Variants in MYH2 observed in about 807,000 individuals in gnomAD.
MYH2 encodes myosin-2.
A neutral mutation model predicts 228.1 loss-of-function variants in MYH2; 139 were observed. The ratio of observed to expected loss-of-function variants is 0.61; its 90% CI spans 0.53 to 0.70. MYH2 has a LOEUF of 0.70. MYH2 is among the 30% of genes least tolerant of loss of function. The pLI, the probability that MYH2 is intolerant of heterozygous loss-of-function variation, is 0.00. For synonymous variants in MYH2, 796 were observed against 871.1 expected (o/e 0.91, Z 1.52); for missense variants, 1,809 against 2,357.5 (o/e 0.77, Z 4.82).
rs529222815 is a variant in MYH2, at chr17:10,529,740, C to A, written c.2941G>T (p.Val981Leu). ...GCCATCTCTTCTGTGAGGTTTTTCA[C>A]CTACAAAGGTGAAGAAAGCAGTTTA... ...EKEKHATENK[V>L]KNLTEEMAGL... Residue 981 changes from valine (V) to leucine (L), a missense_variant and splice_region_variant, in exon 24 of 40, where the codon GTG becomes TTG. Physicochemically the swap from Val to Leu is conservative, Grantham distance 32 (BLOSUM62 1). Around this residue, in one of 9 missense-constraint regions of MYH2, gnomAD observed 43 missense variants for 89.2 expected, o/e 0.48. Coordinates refer to ENST00000245503, the MANE Select transcript of MYH2 (RefSeq NM_017534.6). 5 of 1,613,972 alleles carry A rather than the reference C, an allele frequency of 3.1e-6. No individual in the cohort carries two copies. The highest frequency in any genetic ancestry group is 1.1e-5 in the South Asian group (1 of 91,064).
rs751871589 is a variant in MYH2, at chr17:10,525,018, C to A, written c.4710G>T (p.Glu1570Asp). ...CAACCTCAGACTTGACTTGGTTCAA[C>A]TCAAGCTGGATGCGCAGGATCTTTC... ...EEGKILRIQLELNQVKSEVDR... is the reference protein window; with the variant it reads ...EEGKILRIQLDLNQVKSEVDR... Residue 1570 changes from glutamate (E) to aspartate (D), a missense_variant, in exon 34 of 40, where the codon GAG becomes GAT. Physicochemically the swap from Glu to Asp is conservative, Grantham distance 45. This residue lies in a region of MYH2 where 636 missense variants were observed against 729.9 expected (regional missense o/e 0.87). Transcript: ENST00000245503. The surrounding 1 kb of genome is among the most constrained non-coding windows in gnomAD (Gnocchi z 4.2). 6.2e-7 allele frequency: 1 copy of A among 1,614,140 alleles called. No homozygotes were observed. The highest frequency in any genetic ancestry group is 1.1e-5 in the South Asian group (1 of 91,080).
chr17:10,535,677 T>C (rs530781182), intron 17 of MYH2, among the ~76,000 whole-genome samples: 2 of 152,308 alleles, frequency 1.3e-5, no homozygotes, highest in African/African-American at 4.8e-5. Flanking sequence ...GGCCATTGCC[T>C]TCCCATGCGA....
chr17:10,545,860 A>C (rs1468634361), intron 4 of MYH2, among the ~76,000 whole-genome samples: 1 of 152,176 alleles, frequency 6.6e-6, no homozygotes, highest in African/African-American at 2.4e-5. Flanking sequence ...ATCAGCTTGA[A>C]AACTAGTTGG....
At position 10,524,419 on chromosome 17, in the gene MYH2, G is replaced by A. The variant is rs1047238390; in HGVS notation, c.5175+47C>T. The A allele has an allele frequency of 1.9e-6, 3 of 1,611,136 alleles. No homozygotes were observed. In the South Asian group the frequency reaches 3.3e-5, roughly 18 times the overall value. On this transcript the variant is annotated intron_variant, in intron 35 of 39. Transcript: ENST00000245503. This position sits in a 1 kb window ranked among gnomAD's most constrained non-coding sequence, Gnocchi z 4.7. ...ATGAAAACTCAGGCTTATCTATTCT[G>A]GGACATATAAAATTTACTAAGGAGA...
At chr17:10,533,175 C>A (rs2073443963) in intron 21 of MYH2, 110 bp downstream of exon 21, 1 of 1,493,398 alleles carries the variant, frequency 6.7e-7, no homozygotes, top group Non-Finnish European at 9.3e-7. Flanking sequence ...CATTATAGGA[C>A]TCTTATTCAT....
In MYH2 at chr17:10,547,951, TA is replaced by T. The variant is rs750913165; in HGVS notation, c.-20-12del. The T allele has an allele frequency of 6.2e-7, 1 of 1,608,214 alleles. No individual in the cohort carries two copies. Among genetic ancestry groups the T allele is most frequent in the Non-Finnish European group, 8.5e-7 (1 of 1,175,032 alleles). ...CTGAACTCAGAGGTCCTAAAGGAGA[TA>T]AAACTTTCACATTAGAGAGTCTGGA... On this transcript the variant is annotated splice_polypyrimidine_tract_variant and intron_variant, in intron 2 of 39. Transcript: ENST00000245503.
Position 10,528,940 on chromosome 17 carries a change from G to A in MYH2, c.3494C>T (p.Ala1165Val). The A allele has an allele frequency of 3.1e-6, 5 of 1,614,114 alleles. No homozygotes were observed. Among genetic ancestry groups the A allele is most frequent in the Non-Finnish European group, 4.2e-6 (5 of 1,180,040 alleles). Residue 1165 changes from alanine to valine, a missense_variant, in exon 27 of 40, where the codon GCC becomes GTC. Coordinates refer to ENST00000245503, the MANE Select transcript of MYH2 (RefSeq NM_017534.6). Reference protein sequence around the residue: ...RLEEAGGATSAQIEMNKKREA... With the variant: ...RLEEAGGATSVQIEMNKKREA... ...CCGCTTCTTGTTCATCTCAATCTGGGCTGAAGTGGCCCCACCGGCTTCTTC... is the reference window on the plus strand; with the variant it reads ...CCGCTTCTTGTTCATCTCAATCTGGACTGAAGTGGCCCCACCGGCTTCTTC...
At position 10,523,165 on chromosome 17, in the gene MYH2, A is replaced by G. The variant is rs764826645; in HGVS notation, c.5598T>C (p.Asn1866=). The G allele has an allele frequency of 1.1e-5, 17 of 1,613,800 alleles. No homozygotes were observed. The highest frequency in any genetic ancestry group is 1.4e-5 in the Non-Finnish European group (17 of 1,179,784). Residue 1866 remains asparagine, a synonymous_variant, in exon 39 of 40, where the codon AAT becomes AAC. Transcript: ENST00000245503. ...CTACCAAATCTTGAAGCCTGAGAAT[A>G]TTCTTTCTATCTTCTTCCGTCTGAA... is the stretch of plus-strand genomic sequence containing the variant. ...LTYQTEEDRK[N]ILRLQDLVDK... is the part of the protein sequence containing the mutation.
rs769571787 is a variant in MYH2, at chr17:10,523,430, C to G, written c.5473-18G>C. On this transcript the variant is annotated intron_variant, in intron 37 of 39. Transcript: ENST00000245503. ...TCCCGTACCTGCAAATAAGTAGGCT[C>G]TTAAGAACTTTGATCCAATAAGGCA... 2 of 1,614,070 alleles carry G rather than the reference C, an allele frequency of 1.2e-6. No individual in the cohort carries two copies. Among genetic ancestry groups the G allele is most frequent in the African/African-American group, 2.7e-5 (2 of 74,926 alleles).
Position 10,524,499 on chromosome 17 carries a change from A to T in MYH2, c.5142T>A (p.Asp1714Glu), listed in dbSNP as rs777543095. 1 of 1,614,188 alleles carries T rather than the reference A, an allele frequency of 6.2e-7. No homozygotes were observed. The highest frequency in any genetic ancestry group is 8.5e-7 in the Non-Finnish European group (1 of 1,180,034). The change falls in exon 35 of 40, where the codon GAT (aspartate) becomes GAA (glutamate). Residue 1714 changes from aspartate to glutamate, a missense_variant. Physicochemically the swap from Asp to Glu is conservative, Grantham distance 45 (BLOSUM62 2). Transcript: ENST00000245503. This position sits in a 1 kb window ranked among gnomAD's most constrained non-coding sequence, Gnocchi z 4.7. ...GCAGTAGCTGAACACGCTCACTGGC[A>T]TCCAGGAGCTCCTGTTCTGCGATTT... ...SRKIAEQELL[D>E]ASERVQLLHT...
Position 10,525,382 on chromosome 17 carries a change from G to T in MYH2, c.4538-34C>A, listed in dbSNP as rs777004243. ...TGAGTAAAAGACAGGTAGGGATTTG[G>T]TTAAACATGTGACATAAGGGAGAGA... On this transcript the variant is annotated intron_variant, in intron 32 of 39. Transcript: ENST00000245503. This position sits in a 1 kb window ranked among gnomAD's most constrained non-coding sequence, Gnocchi z 4.2. The T allele has an allele frequency of 6.2e-7, 1 of 1,614,126 alleles. No homozygotes were observed. Among genetic ancestry groups the T allele is most frequent in the South Asian group, 1.1e-5 (1 of 91,070 alleles).
intron 8 of MYH2, 27 bp downstream of exon 8, chr17:10,543,684 A>G (rs201414820): frequency 2.5e-6 from 4 of 1,613,234 alleles, no homozygotes; most frequent in Non-Finnish European, 3.4e-6. Context: ...AGTGAACAGC[A>G]TCTATTAGCG....
At chr17:10,527,670 C>T (rs1648613622) in intron 28 of MYH2, 78 bp downstream of exon 28, 3 of 1,605,280 alleles carry the variant, frequency 1.9e-6, no homozygotes, top group Non-Finnish European at 2.6e-6. Flanking sequence ...TTATTAGGCT[C>T]CCACTTCACC....
chr17:10,528,088 G>C (rs1384440141), intron 27 of MYH2, among the ~76,000 whole-genome samples: 1 of 134,660 alleles, frequency 7.4e-6, no homozygotes, highest in Non-Finnish European at 1.5e-5. Flanking sequence ...TCTGTCCCCA[G>C]GCTGGAGTGC....
At chr17:10,534,977 T>C in intron 19 of MYH2, 96 bp downstream of exon 19, 2 of 1,382,738 alleles carry the variant, frequency 1.4e-6, no homozygotes, top group South Asian at 1.2e-5. Context: ...GTGACAAAAC[T>C]AACAAGTAGA....
At chr17:10,543,300 C>G (rs2073582194) in intron 8 of MYH2, 139 bp from the exon 9 acceptor site, 3 of 669,730 alleles carry the variant, frequency 4.5e-6, no homozygotes, top group Admixed American at 3.1e-5. Context: ...GGTGTATCTC[C>G]TATTTTATAA....
rs879255254 is a variant in MYH2 at position 10,533,325 on chromosome 17, AC to A, written c.2400del (p.Phe801SerfsTer28). On this transcript the variant is annotated frameshift_variant, in exon 21 of 40. Coordinates refer to ENST00000245503, the MANE Select transcript of MYH2 (RefSeq NM_017534.6). LOFTEE classifies it high-confidence loss of function. The stretch of plus-strand genomic sequence containing the variant: ...CTCTGGTACTCCACTCTTGCCAAGA[AC>A]CCTCTGCACCTGGCCTGGGTTCGGG... ...LITRTQARCRGFLARVEYQRM... is the reference protein window; with the variant it reads ...LITRTQARCRXFLARVEYQRM... The A allele has an allele frequency of 6.2e-7, 1 of 1,614,182 alleles. No homozygotes were observed.
chr17:10,547,850 C>T lies in MYH2; in HGVS notation c.71G>A (p.Arg24His), dbSNP rs141174023. 3.2e-5 allele frequency: 52 copies of T among 1,614,054 alleles called. No homozygotes were observed. Among genetic ancestry groups the T allele is most frequent in the African/African-American group, 1.9e-4 (14 of 74,908 alleles). The change falls in exon 3 of 40, where the codon CGC becomes CAC. Residue 24 changes from arginine to histidine, a missense_variant. Transcript: ENST00000245503. ...AAAGGGCCTATTCTGGGCCTCAATG[C>T]GCTCCCTTTCAGACTTTCGGAGGAA... ...APFLRKSERE[R>H]IEAQNRPFDA...
chr17:10,523,088 A>G lies in MYH2; in HGVS notation c.5673+2T>C. 1 of 1,603,344 alleles carries G rather than the reference A, an allele frequency of 6.2e-7. No homozygotes were observed. Among genetic ancestry groups the G allele is most frequent in the Non-Finnish European group, 8.5e-7 (1 of 1,170,126 alleles). On this transcript the variant is annotated splice_donor_variant, in intron 39 of 39. Transcript: ENST00000245503. LOFTEE classifies it high-confidence loss of function. ...GAGGACTTCAATCTTAAAAATACTT[A>G]CAGCCTCCTCAGCTTGTCTCTTATA...
Sources: gnomAD v4.1 joint callset for allele counts (sites outside exome capture counted in the v4.1 genomes callset) on GRCh38, gnomAD v4.1.1 for gene constraint, gnomAD v4.1.1 regional missense constraint, Gnocchi (gnomAD v3.1) non-coding constraint, MANE v1.5 for transcripts, NCBI Gene and HGNC (gene_info 2026-07-23, HGNC 2026-07-21) for gene names.